SLCO3A1: variants seen among roughly 807,000 people sequenced by gnomAD.
SLCO3A1 encodes the protein PGE1 transporter.
In SLCO3A1, 27 loss-of-function variants were observed where a neutral mutation model predicts 63.1. The observed-to-expected ratio is 0.43, with a 90% CI of 0.32 to 0.59. The LOEUF (loss-of-function observed/expected upper bound fraction) is 0.59, where lower values mean the gene tolerates loss of function less well. Among genes scored for constraint, SLCO3A1 ranks in the 20% least tolerant of loss-of-function variants. The probability of loss-of-function intolerance (pLI) is 0.09; values close to 1 mark genes in which losing one functional copy is unlikely to be tolerated. For synonymous variants in SLCO3A1, 473 were observed against 409.9 expected (o/e 1.15, Z -1.86); for missense variants, 773 against 945.8 (o/e 0.82, Z 2.40).
intron 1 of SLCO3A1, among the ~76,000 whole-genome samples, chr15:91,914,476 C>T (rs1898585809): frequency 6.6e-6 from 1 of 152,026 alleles, no homozygotes; most frequent in Non-Finnish European, 1.5e-5. Flanking sequence ...ATTGTGTCTA[C>T]CTAATTGCTC....
At chr15:92,030,216 T>TA (rs1189851308) in intron 2 of SLCO3A1, among the ~76,000 whole-genome samples, 1 of 152,256 alleles carries the variant, frequency 6.6e-6, no homozygotes, top group African/African-American at 2.4e-5. Flanking sequence ...AGCTACGTGT[T>TA]AGACACAGTT....
chr15:92,002,505 G>T (rs12899322), intron 2 of SLCO3A1, among the ~76,000 whole-genome samples: 21,842 of 152,092 alleles, frequency 0.14, 1,669 homozygotes, highest in African/African-American at 0.18. Context: ...TTTCTCTTCT[G>T]TTTTAAGAAA....
At chr15:92,045,664 A>G (rs1334666647) in intron 2 of SLCO3A1, among the ~76,000 whole-genome samples, 1 of 152,176 alleles carries the variant, frequency 6.6e-6, no homozygotes, top group Non-Finnish European at 1.5e-5. Context: ...TAAATAACAA[A>G]TGTCCCTATT....
At chr15:91,880,409 C>CTGTGTGTGTGTGTGTGTGTGTGTG (rs58932263) in intron 1 of SLCO3A1, among the ~76,000 whole-genome samples, 7 of 142,342 alleles carry the variant, frequency 4.9e-5, no homozygotes, top group African/African-American at 1.3e-4. Context: ...CTCTCTCTCT[C>CTGTGTGTGTGTGTGTGTGTGTGTG]TGTGTGTGTG....
Position 91,857,069 on chromosome 15 carries a change from T to TGTGA in SLCO3A1, c.180+2982_180+2983insTGAG, listed in dbSNP as rs1307987594. Among the ~76,000 whole-genome samples the TGTGA allele has an allele frequency of 3.4e-4, 37 of 107,562 alleles. 1 individual carries two copies. The South Asian group carries it at 3.6e-3, about 10-fold the overall frequency. 70.6% of individuals were successfully genotyped at this position (107,562 alleles called of 152,430 possible). A position where few individuals can be genotyped will look rare whatever the true frequency, so the allele number is the denominator to read the frequency against. The stretch of plus-strand genomic sequence containing the variant: ...GTGTGTGTGTGTGTGTGTGTGTGTG[T>TGTGA]GAGAGAGAGAGAGAGAAAATGTGTG... On this transcript the variant is annotated intron_variant, in intron 1 of 9. Transcript: ENST00000318445.
Position 91,916,004 on chromosome 15 carries a change from G to C in SLCO3A1, c.192G>C (p.Leu64=). Residue 64 remains leucine (L), a synonymous_variant, in exon 2 of 10, where the codon CTG becomes CTC. Transcript: ENST00000318445. The surrounding 1 kb of genome is among the most constrained non-coding windows in gnomAD (Gnocchi z 6.2). Reference sequence around the variant, plus strand: ...CTTGCCCCCCTCAGGTGAGCGTCCTGACCACCCTGGAGCGTAGGTTCAACC... The same window carrying C: ...CTTGCCCCCCTCAGGTGAGCGTCCTCACCACCCTGGAGCGTAGGTTCAACC... ...GTVGAYLVSV[L]TTLERRFNLQ... 6.2e-7 allele frequency: 1 copy of C among 1,612,288 alleles called. No individual in the cohort carries two copies. Among genetic ancestry groups the C allele is most frequent in the Non-Finnish European group, 8.5e-7 (1 of 1,179,648 alleles).
At position 91,942,410 on chromosome 15, in the gene SLCO3A1, C is replaced by A. The variant is rs1046286940; in HGVS notation, c.646+25952C>A. On this transcript the variant is annotated intron_variant, in intron 2 of 9. Coordinates refer to ENST00000318445, the MANE Select transcript of SLCO3A1 (RefSeq NM_013272.4). The surrounding 1 kb of genome is among the most constrained non-coding windows in gnomAD (Gnocchi z 4.1). The stretch of plus-strand genomic sequence containing the variant: ...CCTATAGCTGTGCAGGTAAAACATG[C>A]CATTTAGCAGTGCTACTATGGCACA... Among the ~76,000 whole-genome samples, 4 of 152,148 alleles carry A rather than the reference C, an allele frequency of 2.6e-5. No individual in the cohort carries two copies. Among genetic ancestry groups the A allele is most frequent in the Admixed American group, 2.6e-4 (4 of 15,284 alleles).
chr15:92,068,491 C>G (rs2047177763), intron 2 of SLCO3A1, among the ~76,000 whole-genome samples: 1 of 152,132 alleles, frequency 6.6e-6, no homozygotes, highest in African/African-American at 2.4e-5. Context: ...TTCCTCTGGC[C>G]ACTTCATATT....
chr15:92,135,222 C>G (rs1314711688), intron 7 of SLCO3A1, among the ~76,000 whole-genome samples: 1 of 152,192 alleles, frequency 6.6e-6, no homozygotes, highest in Admixed American at 6.5e-5. Context: ...TCATGCCTTT[C>G]ACCTTTCCGT....
intron 2 of SLCO3A1, among the ~76,000 whole-genome samples, chr15:91,977,608 G>A (rs1335463785): frequency 3.3e-5 from 5 of 152,290 alleles, no homozygotes; most frequent in Admixed American, 6.5e-5. Flanking sequence ...CAACTGGAGT[G>A]TGGGGACATT....
chr15:92,088,045 GGGGAAAGAGCACTGGTCA>G (rs2047427643), intron 2 of SLCO3A1, among the ~76,000 whole-genome samples: 1 of 152,152 alleles, frequency 6.6e-6, no homozygotes, highest in African/African-American at 2.4e-5. Context: ...AGAGGGACTT[GGGGAAAGAGCACTGGTCA>G]GGGAAAGAGG....
intron 2 of SLCO3A1, among the ~76,000 whole-genome samples, chr15:91,945,744 A>T (rs1231807720): frequency 6.6e-6 from 1 of 152,178 alleles, no homozygotes; most frequent in Admixed American, 6.5e-5. Flanking sequence ...GAACAATGTG[A>T]TCCGATGGTG....
chr15:92,162,646 G>GAGTC, intron 9 of SLCO3A1, 110 bp from the exon 10 acceptor site: 1 of 1,493,876 alleles, frequency 6.7e-7, no homozygotes, highest in Non-Finnish European at 8.9e-7. Context: ...TTGAGCCACG[G>GAGTC]AGTCAGACAT....
At chr15:92,128,689 T>C (rs3815318) in intron 7 of SLCO3A1, among the ~76,000 whole-genome samples, 200 bp downstream of exon 7, 68,694 of 152,006 alleles carry the variant, frequency 0.45, 15,951 homozygotes, top group East Asian at 0.51. Flanking sequence ...GTAGGAAGTC[T>C]CATTGTGCAA....
At chr15:91,966,452 T>C (rs1900665512) in intron 2 of SLCO3A1, among the ~76,000 whole-genome samples, 1 of 152,204 alleles carries the variant, frequency 6.6e-6, no homozygotes, top group Admixed American at 6.5e-5. Flanking sequence ...GAAGATGTTT[T>C]TCCCACTGTG....
chr15:92,062,248 A>G lies in SLCO3A1; in HGVS notation c.647-32633A>G, dbSNP rs151312381. Among the ~76,000 whole-genome samples, 788 of 152,314 alleles carry G rather than the reference A, an allele frequency of 5.2e-3. 5 individuals are homozygous for G. The highest frequency in any genetic ancestry group is 6.7e-3 in the Admixed American group (102 of 15,302). On this transcript the variant is annotated intron_variant, in intron 2 of 9. Coordinates refer to ENST00000318445, the MANE Select transcript of SLCO3A1 (RefSeq NM_013272.4). ...GGTAAAAGTTTTTGCAAAATGAGTG[A>G]GTAAGTGGCAGTTTTATGGAGGAGG...
At chr15:92,032,397 C>T (rs771302775) in intron 2 of SLCO3A1, among the ~76,000 whole-genome samples, 17 of 151,864 alleles carry the variant, frequency 1.1e-4, no homozygotes, top group South Asian at 2.1e-4. Flanking sequence ...CTAGGTGGAG[C>T]GAATGGCTGC....
At chr15:91,997,297 C>G (rs189905438) in intron 2 of SLCO3A1, among the ~76,000 whole-genome samples, 5 of 152,160 alleles carry the variant, frequency 3.3e-5, no homozygotes, top group Non-Finnish European at 5.9e-5. Flanking sequence ...TGCCTCTAAC[C>G]GTGGAGGTGA....
At chr15:91,925,068 G>T (rs929233048) in intron 2 of SLCO3A1, among the ~76,000 whole-genome samples, 1 of 152,202 alleles carries the variant, frequency 6.6e-6, no homozygotes, top group African/African-American at 2.4e-5. Flanking sequence ...CTTTACTCCG[G>T]CTTCCTTACT....
Sources: gnomAD v4.1 joint callset for allele counts (sites outside exome capture counted in the v4.1 genomes callset) on GRCh38, gnomAD v4.1.1 for gene constraint, Gnocchi (gnomAD v3.1) non-coding constraint, MANE v1.5 for transcripts, NCBI Gene and HGNC (gene_info 2026-07-23, HGNC 2026-07-21) for gene names.